Variants in CENPP observed in about 807,000 individuals in gnomAD.
CENPP encodes centromere protein P.
A neutral mutation model predicts 35.6 loss-of-function variants in CENPP; 24 were observed. The observed-to-expected ratio is 0.67, with a 90% CI of 0.49 to 0.95. The LOEUF (loss-of-function observed/expected upper bound fraction) is 0.95, where lower values mean the gene tolerates loss of function less well. Ranked by LOEUF, CENPP falls within the 40% of genes least tolerant of loss-of-function variation. The pLI is 0.00. For missense variants in CENPP, 332 were observed against 345.3 expected (o/e 0.96, Z 0.31); for synonymous variants, 120 against 125.5 (o/e 0.96, Z 0.29).
chr9:92,590,970 T>C (rs1850649566), intron 5 of CENPP, among the ~76,000 whole-genome samples: 3 of 152,196 alleles, frequency 2.0e-5, no homozygotes, highest in South Asian at 4.1e-4. Flanking sequence ...AATTGAAGTT[T>C]TGAATAAATG....
intron 5 of CENPP, among the ~76,000 whole-genome samples, chr9:92,512,811 T>TG (rs1315272028): frequency 6.6e-6 from 1 of 152,190 alleles, no homozygotes; most frequent in Non-Finnish European, 1.5e-5. Flanking sequence ...ACCATAACAG[T>TG]GTAGCTCAGC....
intron 3 of CENPP, among the ~76,000 whole-genome samples, chr9:92,339,224 G>A (rs1334914600): frequency 1.3e-5 from 2 of 152,172 alleles, no homozygotes; most frequent in Admixed American, 6.5e-5. Flanking sequence ...TATATTCAGG[G>A]TCATGTGCCA....
intron 5 of CENPP, among the ~76,000 whole-genome samples, chr9:92,409,510 A>G (rs568788661): frequency 6.6e-6 from 1 of 152,342 alleles, no homozygotes; most frequent in African/African-American, 2.4e-5. Flanking sequence ...AGCTTGAGAA[A>G]TCGAGTGAAA....
At chr9:92,514,527 A>C in intron 5 of CENPP, 1 of 1,435,606 alleles carries the variant, frequency 7.0e-7, no homozygotes, top group Non-Finnish European at 9.3e-7. Context: ...TGGCCACCTC[A>C]GCCTTTCAAA....
chr9:92,551,640 C>T (rs550215245), intron 5 of CENPP, among the ~76,000 whole-genome samples: 1 of 152,052 alleles, frequency 6.6e-6, no homozygotes, highest in African/African-American at 2.4e-5. Context: ...GTATACACTG[C>T]ACCCTATTTG....
chr9:92,401,135 T>C, intron 5 of CENPP: 1 of 1,558,614 alleles, frequency 6.4e-7, no homozygotes, highest in Non-Finnish European at 8.8e-7. Flanking sequence ...TTGCCTCATC[T>C]TTTTGTAATT....
intron 5 of CENPP, chr9:92,403,127 G>A: frequency 3.0e-6 from 2 of 668,768 alleles, no homozygotes; most frequent in South Asian, 2.3e-5. Flanking sequence ...ATCATTTAAA[G>A]TGATTTTCCC....
chr9:92,383,097 C>G (rs1425139534), intron 5 of CENPP, among the ~76,000 whole-genome samples: 1 of 151,882 alleles, frequency 6.6e-6, no homozygotes, highest in African/African-American at 2.4e-5. Flanking sequence ...AGAGTTTAAC[C>G]ATGTTGGCCA....
intron 5 of CENPP, among the ~76,000 whole-genome samples, chr9:92,425,627 T>C (rs1342375272): frequency 2.0e-5 from 3 of 152,234 alleles, no homozygotes; most frequent in Non-Finnish European, 4.4e-5. Context: ...TGTTTTCCAT[T>C]AGCTTTTTAC....
upstream of CENPP, chr9:92,325,869 C>T (rs1382741631): frequency 1.5e-5 from 10 of 688,882 alleles, no homozygotes; most frequent in East Asian, 2.4e-4. Flanking sequence ...GCGGAGCTCT[C>T]CCGCCTCCCC....
chr9:92,386,817 C>T (rs371404676), intron 5 of CENPP, among the ~76,000 whole-genome samples: 259 of 152,006 alleles, frequency 1.7e-3, no homozygotes, highest in African/African-American at 6.0e-3. Context: ...TTCCTGACCT[C>T]GTGATCTGCC....
Position 92,505,625 on chromosome 9 carries a change from A to C in CENPP, c.565-105689A>C. 6.2e-7 allele frequency: 1 copy of C among 1,610,516 alleles called. No individual in the cohort carries two copies. Reference sequence around the variant, plus strand: ...AGGCTCTTCAAAGGTTTGAAAGCTAAAGGATTGACATTGGCTTCACTGAGA... The same window carrying C: ...AGGCTCTTCAAAGGTTTGAAAGCTACAGGATTGACATTGGCTTCACTGAGA... On this transcript the variant is annotated intron_variant, in intron 5 of 7. Transcript: ENST00000375587.
At chr9:92,521,620 T>C (rs1848075607) in intron 5 of CENPP, among the ~76,000 whole-genome samples, 1 of 152,214 alleles carries the variant, frequency 6.6e-6, no homozygotes. Context: ...TATAATATAC[T>C]TTTTCCTTCC....
intron 5 of CENPP, among the ~76,000 whole-genome samples, chr9:92,492,372 T>C (rs1321225386): frequency 6.6e-6 from 1 of 152,202 alleles, no homozygotes; most frequent in Non-Finnish European, 1.5e-5. Context: ...AATAATTATG[T>C]GTGAGTGGGA....
intron 5 of CENPP, among the ~76,000 whole-genome samples, chr9:92,572,848 A>C (rs1850178511): frequency 6.6e-6 from 1 of 151,882 alleles, no homozygotes; most frequent in African/African-American, 2.4e-5. Flanking sequence ...TTTGATCTTC[A>C]ATCACTGATA....
chr9:92,466,499 T>G (rs2131060734), intron 5 of CENPP: 1 of 1,614,024 alleles, frequency 6.2e-7, no homozygotes, highest in Middle Eastern at 1.6e-4. Flanking sequence ...AGATACAGCC[T>G]TCGCAACTTC....
chr9:92,451,295 A>G (rs1844702242), intron 5 of CENPP, among the ~76,000 whole-genome samples: 1 of 149,286 alleles, frequency 6.7e-6, no homozygotes, highest in Admixed American at 6.6e-5. Flanking sequence ...GAAGGGATCC[A>G]GTTTCAGCTT....
At chr9:92,459,602 T>C in intron 5 of CENPP, 1 of 1,604,270 alleles carries the variant, frequency 6.2e-7, no homozygotes, top group Non-Finnish European at 8.5e-7. Context: ...AAAATACCAA[T>C]ATCTACTGAA....
intron 5 of CENPP, among the ~76,000 whole-genome samples, chr9:92,557,377 G>A (rs931582968): frequency 6.6e-6 from 1 of 152,152 alleles, no homozygotes; most frequent in Non-Finnish European, 1.5e-5. Context: ...CTCTAGCTAG[G>A]CTGGGGAAGT....
Sources: gnomAD v4.1 joint callset for allele counts (sites outside exome capture counted in the v4.1 genomes callset) on GRCh38, gnomAD v4.1.1 for gene constraint, MANE v1.5 for transcripts, NCBI Gene and HGNC (gene_info 2026-07-23, HGNC 2026-07-21) for gene names.